The following RASEF variants were observed in gnomAD, a reference collection of about 807,000 sequenced individuals.
The protein encoded by RASEF is ras and EF-hand domain-containing protein.
Under a neutral mutation model 90.1 loss-of-function variants are expected in RASEF, and 68 were observed. The ratio of observed to expected loss-of-function variants is 0.75; its 90% CI spans 0.62 to 0.92. The LOEUF is 0.92. Among genes scored for constraint, RASEF ranks in the 40% least tolerant of loss-of-function variants. RASEF has a pLI of 0.00. For synonymous variants in RASEF, 331 were observed against 345.2 expected (o/e 0.96, Z 0.46); for missense variants, 949 against 937.2 (o/e 1.01, Z -0.16).
the RASEF span, among the ~76,000 whole-genome samples, chr9:83,127,221 A>G: frequency 6.6e-6 from 1 of 152,232 alleles, no homozygotes; most frequent in African/African-American, 2.4e-5. Context: ...TGCAACAACT[A>G]TAATGTCAAA....
the RASEF span, among the ~76,000 whole-genome samples, chr9:83,161,554 T>C: frequency 6.6e-6 from 1 of 152,126 alleles, no homozygotes; most frequent in Non-Finnish European, 1.5e-5. Flanking sequence ...GAAGGGACTT[T>C]CCTTGTCTCC....
chr9:83,073,591 G>T, the RASEF span, among the ~76,000 whole-genome samples: 2 of 152,286 alleles, frequency 1.3e-5, no homozygotes, highest in East Asian at 3.9e-4. Flanking sequence ...TGATGTGTGG[G>T]CTATCTGGAA....
chr9:82,991,174 G>A (rs1025663000), intron 15 of RASEF, among the ~76,000 whole-genome samples: 1 of 152,040 alleles, frequency 6.6e-6, no homozygotes, highest in African/African-American at 2.4e-5. Flanking sequence ...TCCAGTGTCC[G>A]CAAAGCCTTC....
intron 7 of RASEF, among the ~76,000 whole-genome samples, chr9:83,007,169 C>T (rs1829150730): frequency 6.6e-6 from 1 of 151,350 alleles, no homozygotes; most frequent in Non-Finnish European, 1.5e-5. Context: ...TTTATAGAGG[C>T]ATAATAAAGA....
the RASEF span, among the ~76,000 whole-genome samples, chr9:83,147,028 G>GTGTA: frequency 1.9e-4 from 6 of 31,340 alleles, no homozygotes; most frequent in South Asian, 1.7e-3. Context: ...GTGTGTGTGT[G>GTGTA]TATATATATA....
chr9:83,063,242 A>G (rs1830250547), upstream of RASEF: 1 of 220,510 alleles, frequency 4.5e-6, no homozygotes, highest in East Asian at 1.1e-4. Flanking sequence ...TCCAGTTCCC[A>G]CGCCCCGGAG....
intron 2 of RASEF, among the ~76,000 whole-genome samples, chr9:83,024,542 C>T (rs73469417): frequency 0.03 from 4,509 of 152,184 alleles, 207 homozygotes; most frequent in African/African-American, 0.1. Context: ...GGGACTCTGA[C>T]CCACACTCCA....
At chr9:83,022,247 T>C (rs1829457855) in intron 3 of RASEF, 89 bp downstream of exon 3, 3 of 957,496 alleles carry the variant, frequency 3.1e-6, no homozygotes, top group African/African-American at 3.2e-5. Context: ...GCTGTACCCC[T>C]GCATGACACC....
intron 1 of RASEF, among the ~76,000 whole-genome samples, chr9:83,042,677 C>T (rs1326918270): frequency 6.6e-6 from 1 of 151,790 alleles, no homozygotes. Context: ...TGGCAGCACT[C>T]CAGCTATCTG....
At chr9:83,204,232 AG>A in the RASEF span, among the ~76,000 whole-genome samples, 6 of 152,134 alleles carry the variant, frequency 3.9e-5, no homozygotes, top group African/African-American at 1.2e-4. Flanking sequence ...GGAGCACCAC[AG>A]GGTTGGCCAC....
chr9:83,057,275 A>T (rs1003409411), intron 1 of RASEF, among the ~76,000 whole-genome samples: 2 of 152,206 alleles, frequency 1.3e-5, no homozygotes, highest in Admixed American at 1.3e-4. Flanking sequence ...ATATAATCTT[A>T]TATCTAGAAA....
intron 1 of RASEF, among the ~76,000 whole-genome samples, chr9:83,030,230 G>A (rs564933094): frequency 8.5e-5 from 13 of 152,132 alleles, no homozygotes; most frequent in Non-Finnish European, 1.3e-4. Flanking sequence ...GGTGGTGGGC[G>A]CCTGTAGTCC....
At chr9:83,028,498 A>T (rs1445113775) in intron 1 of RASEF, among the ~76,000 whole-genome samples, 1 of 152,122 alleles carries the variant, frequency 6.6e-6, no homozygotes, top group Non-Finnish European at 1.5e-5. Flanking sequence ...CTTGATCAAC[A>T]TTCCTTGGGC....
intron 14 of RASEF, among the ~76,000 whole-genome samples, chr9:82,993,303 C>T (rs1413782903): frequency 2.6e-5 from 4 of 152,258 alleles, no homozygotes; most frequent in Non-Finnish European, 4.4e-5. Flanking sequence ...CTATATAATG[C>T]CCCATCCTTA....
chr9:83,208,418 GCTGT>G, the RASEF span, among the ~76,000 whole-genome samples: 8 of 152,126 alleles, frequency 5.3e-5, no homozygotes, highest in African/African-American at 1.9e-4. Context: ...CCTCCTCTGA[GCTGT>G]CTGTCAGTGG....
chr9:83,096,904 T>C, the RASEF span, among the ~76,000 whole-genome samples: 1 of 151,948 alleles, frequency 6.6e-6, no homozygotes, highest in African/African-American at 2.4e-5. Context: ...GTCCTTGCGA[T>C]AGTTTGCTGA....
chr9:83,178,186 T>C, the RASEF span, among the ~76,000 whole-genome samples: 1 of 152,204 alleles, frequency 6.6e-6, no homozygotes, highest in Non-Finnish European at 1.5e-5. Flanking sequence ...CTCTGCTTTT[T>C]ATTGTTTACC....
chr9:83,126,526 G>A, the RASEF span, among the ~76,000 whole-genome samples: 1 of 152,174 alleles, frequency 6.6e-6, no homozygotes, highest in African/African-American at 2.4e-5. Flanking sequence ...TGATTATTAA[G>A]AGGACAGACA....
At chr9:83,057,160 C>T (rs942555112) in intron 1 of RASEF, among the ~76,000 whole-genome samples, 1 of 152,182 alleles carries the variant, frequency 6.6e-6, no homozygotes, top group South Asian at 2.1e-4. Context: ...ACCACTCCTT[C>T]TCAATATAGT....
Sources: allele counts gnomAD v4.1 joint callset (sites outside exome capture counted in the v4.1 genomes callset), GRCh38; gene constraint gnomAD v4.1.1; transcripts MANE v1.5; gene names NCBI Gene and HGNC (gene_info 2026-07-23, HGNC 2026-07-21).